Variants in ROS1 observed in about 807,000 individuals in gnomAD.
ROS1 encodes the protein ROS proto-oncogene 1, receptor tyrosine kinase.
In ROS1, 263 loss-of-function variants were observed where a neutral mutation model predicts 273.5. That is an observed-to-expected ratio of 0.96 (90% CI 0.87 to 1.06). The LOEUF is 1.06. Among genes scored for constraint, ROS1 ranks in the 50% least tolerant of loss-of-function variants. The probability of loss-of-function intolerance (pLI) is 0.00; values close to 1 mark genes in which losing one functional copy is unlikely to be tolerated. For synonymous variants in ROS1, 1,008 were observed against 954.1 expected (o/e 1.06, Z -1.04); for missense variants, 2,833 against 2,751.1 (o/e 1.03, Z -0.67).
At chr6:117,405,297 T>C (rs1050619371) in intron 5 of ROS1, among the ~76,000 whole-genome samples, 1 of 152,168 alleles carries the variant, frequency 6.6e-6, no homozygotes, top group Non-Finnish European at 1.5e-5. Context: ...CTATACTCTG[T>C]AATCCAGAAA....
rs747630349 is a variant in ROS1 at position 117,310,080 on chromosome 6, C to G, written c.6416+1G>C. ...ATTACTCTGTGTCCCGTTAAACTTA[C>G]CATACATCAGATTGAGTAGTGAAGA... On this transcript the variant is annotated splice_donor_variant, in intron 41 of 43. Coordinates refer to ENST00000368507, the MANE Select transcript of ROS1 (RefSeq NM_001378902.1). LOFTEE classifies it high-confidence loss of function. 13 of 1,611,878 alleles carry G rather than the reference C, an allele frequency of 8.1e-6. No homozygotes were observed. Among genetic ancestry groups the G allele is most frequent in the Middle Eastern group, 1.7e-4 (1 of 5,996 alleles).
intron 12 of ROS1, among the ~76,000 whole-genome samples, chr6:117,392,409 A>C (rs1057391269): frequency 6.6e-6 from 1 of 152,158 alleles, no homozygotes; most frequent in Non-Finnish European, 1.5e-5. Flanking sequence ...AAAAAGTTTA[A>C]TCTTACAAAC....
chr6:117,340,765 T>C (rs1481085412), intron 31 of ROS1, among the ~76,000 whole-genome samples: 2 of 152,152 alleles, frequency 1.3e-5, no homozygotes, highest in Admixed American at 6.6e-5. Flanking sequence ...AAAGAACATT[T>C]CTAAACAAGG....
intron 18 of ROS1, among the ~76,000 whole-genome samples, chr6:117,372,462 T>C (rs911304747): frequency 6.6e-6 from 1 of 152,228 alleles, no homozygotes; most frequent in African/African-American, 2.4e-5. Context: ...GTGGGTTCTT[T>C]TTCTGACTGA....
chr6:117,340,617 C>T (rs1777843232), intron 31 of ROS1, among the ~76,000 whole-genome samples: 1 of 152,098 alleles, frequency 6.6e-6, no homozygotes, highest in East Asian at 1.9e-4. Flanking sequence ...TCAGTGGGTG[C>T]TTCCTTATTG....
chr6:117,389,852 A>G lies in ROS1; in HGVS notation c.1290-6T>C, dbSNP rs769513626. ...TCAGGAGGTAAAAGACATACCTGAC[A>G]CAGGAACAAAAGAAACCTCATGAGA... On this transcript the variant is annotated splice_polypyrimidine_tract_variant and splice_region_variant and intron_variant, in intron 12 of 43. Coordinates refer to ENST00000368507, the MANE Select transcript of ROS1 (RefSeq NM_001378902.1). 4 of 1,596,786 alleles carry G rather than the reference A, an allele frequency of 2.5e-6. No individual in the cohort carries two copies. Among genetic ancestry groups the G allele is most frequent in the East Asian group, 2.2e-5 (1 of 44,508 alleles).
At chr6:117,389,938 A>G in intron 12 of ROS1, 92 bp from the exon 13 acceptor site, 1 of 1,136,388 alleles carries the variant, frequency 8.8e-7, no homozygotes, top group Non-Finnish European at 1.2e-6. Flanking sequence ...TTGCACAATC[A>G]GAACTATGTA....
At chr6:117,394,422 T>C (rs1375686749) in intron 10 of ROS1, 76 bp from the exon 11 acceptor site, 10 of 1,005,564 alleles carry the variant, frequency 9.9e-6, no homozygotes, top group Non-Finnish European at 1.3e-5. Context: ...TGAGAATTTA[T>C]TTATTTAATG....
At position 117,383,482 on chromosome 6, in the gene ROS1, T is replaced by C; in HGVS notation, c.2316A>G (p.Gly772=). The change falls in exon 17 of 44, where the codon GGA becomes GGG. Residue 772 remains glycine (G), a synonymous_variant. Coordinates refer to ENST00000368507, the MANE Select transcript of ROS1 (RefSeq NM_001378902.1). ...YVIQRQSVLT[G]HTDIVTHVKL... is the part of the protein sequence containing the mutation. Reference sequence around the variant, plus strand: ...TCACGTGGGTAACAATGTCTGTGTGTCCCGTCAACACAGACTGCCTTTGTA... The same window carrying C: ...TCACGTGGGTAACAATGTCTGTGTGCCCCGTCAACACAGACTGCCTTTGTA... 6.2e-7 allele frequency: 1 copy of C among 1,613,966 alleles called. No individual in the cohort carries two copies.
chr6:117,356,780 A>C lies in ROS1; in HGVS notation c.3975T>G (p.Asn1325Lys). ...CTCCACTTAACTCAAATTCAGTCAC[A>C]TTACAAGAACATTGATTCCTTTTGT... is the stretch of plus-strand genomic sequence containing the variant. ...QQNKRNQCSC[N>K]VTEFELSGAM... is the part of the protein sequence containing the mutation. Residue 1325 changes from asparagine to lysine, a missense_variant, in exon 26 of 44, where the codon AAT becomes AAG. Transcript: ENST00000368507. 1 of 1,614,196 alleles carries C rather than the reference A, an allele frequency of 6.2e-7. No homozygotes were observed.
intron 6 of ROS1, among the ~76,000 whole-genome samples, chr6:117,404,041 C>A (rs1341656932): frequency 6.6e-6 from 1 of 152,188 alleles, no homozygotes; most frequent in Non-Finnish European, 1.5e-5. Context: ...TGAGACCATC[C>A]TGGCTAACAC....
At chr6:117,327,347 A>G (rs569291140) in intron 33 of ROS1, among the ~76,000 whole-genome samples, 1 of 152,312 alleles carries the variant, frequency 6.6e-6, no homozygotes, top group South Asian at 2.1e-4. Context: ...GCATTAGGAC[A>G]GAGTGTTTTT....
At chr6:117,340,871 T>C (rs537138894) in intron 31 of ROS1, among the ~76,000 whole-genome samples, 6 of 152,158 alleles carry the variant, frequency 3.9e-5, no homozygotes, top group Admixed American at 3.9e-4. Flanking sequence ...TGCTAACATC[T>C]AAACTAAGTA....
chr6:117,385,673 T>C lies in ROS1; in HGVS notation c.2289+10A>G. The C allele has an allele frequency of 6.2e-7, 1 of 1,613,242 alleles. No homozygotes were observed. Among genetic ancestry groups the C allele is most frequent in the Non-Finnish European group, 8.5e-7 (1 of 1,179,826 alleles). ...TTCTAGAGCATCCAGAATGCCATGC[T>C]TTAACTCACCACATATGTCTTTCCA... On this transcript the variant is annotated intron_variant, in intron 16 of 43. Coordinates refer to ENST00000368507, the MANE Select transcript of ROS1 (RefSeq NM_001378902.1).
intron 26 of ROS1, among the ~76,000 whole-genome samples, chr6:117,355,940 C>A (rs1779272908): frequency 6.6e-6 from 1 of 152,154 alleles, no homozygotes; most frequent in Non-Finnish European, 1.5e-5. Flanking sequence ...ACTTAAATAA[C>A]CACATGTGGC....
intron 1 of ROS1, among the ~76,000 whole-genome samples, chr6:117,423,284 C>A (rs901269312): frequency 6.6e-6 from 1 of 152,048 alleles, no homozygotes; most frequent in Non-Finnish European, 1.5e-5. Flanking sequence ...CCAAATAGCA[C>A]CTGTTCCCCC....
At chr6:117,371,833 G>C (rs546270485) in intron 18 of ROS1, among the ~76,000 whole-genome samples, 1 of 152,204 alleles carries the variant, frequency 6.6e-6, no homozygotes, top group South Asian at 2.1e-4. Flanking sequence ...ATGCAGTAAA[G>C]TCAGCCATAA....
At chr6:117,376,439 G>A (rs369205036) in intron 18 of ROS1, among the ~76,000 whole-genome samples, 125 of 152,176 alleles carry the variant, frequency 8.2e-4, no homozygotes, top group Admixed American at 2.9e-3. Context: ...AGAATTAACA[G>A]CAATTCTATA....
chr6:117,317,339 T>G, intron 38 of ROS1, 67 bp from the exon 39 acceptor site: 1 of 1,526,650 alleles, frequency 6.6e-7, no homozygotes, highest in Non-Finnish European at 8.9e-7. Flanking sequence ...AGGGTCTTTA[T>G]GGAGTACAGC....
Sources: gnomAD v4.1 joint callset for allele counts (sites outside exome capture counted in the v4.1 genomes callset) on GRCh38, gnomAD v4.1.1 for gene constraint, MANE v1.5 for transcripts, NCBI Gene and HGNC (gene_info 2026-07-23, HGNC 2026-07-21) for gene names.